KLHL5: variants seen among roughly 807,000 people sequenced by gnomAD.
KLHL5 encodes kelch-like protein 5.
In KLHL5, 48 loss-of-function variants were observed where a neutral mutation model predicts 77.7. The observed-to-expected ratio is 0.62, with a 90% CI of 0.49 to 0.79. The LOEUF is 0.79. KLHL5 is among the 30% of genes least tolerant of loss of function. The pLI is 0.00. For missense variants in KLHL5, 723 were observed against 859.7 expected, an observed-to-expected ratio of 0.84 and a Z score of 1.99; for synonymous variants, 260 against 297.0, an observed-to-expected ratio of 0.88 and a Z score of 1.28.
Position 39,096,850 on chromosome 4 carries a change from T to G in KLHL5, c.1272T>G (p.Phe424Leu). The change falls in exon 6 of 11, where the codon TTT (phenylalanine) becomes TTG (leucine). Residue 424 changes from phenylalanine to leucine, a missense_variant. Coordinates refer to ENST00000504108, the MANE Select transcript of KLHL5 (RefSeq NM_015990.5). ...GGAAGTCAACTGTTGGTACATTATT[T>G]GCAGTTGGGGGAATGGATTCAACAA... ...KPRKSTVGTL[F>L]AVGGMDSTKG... The G allele has an allele frequency of 6.2e-7, 1 of 1,613,748 alleles. No individual in the cohort carries two copies. Among genetic ancestry groups the G allele is most frequent in the Non-Finnish European group, 8.5e-7 (1 of 1,179,738 alleles).
chr4:39,100,038 C>T (rs975808803), intron 6 of KLHL5, among the ~76,000 whole-genome samples: 1 of 152,186 alleles, frequency 6.6e-6, no homozygotes, highest in Admixed American at 6.6e-5. Flanking sequence ...ATAATACCCT[C>T]ACTTTGATTT....
intron 1 of KLHL5, among the ~76,000 whole-genome samples, chr4:39,049,924 T>G (rs2566111): frequency 6.6e-6 from 1 of 151,266 alleles, no homozygotes; most frequent in African/African-American, 2.4e-5. Flanking sequence ...TTACAAAAAA[T>G]ATTAGCTGGG....
chr4:39,105,149 A>AGT (rs1452001691), intron 7 of KLHL5, among the ~76,000 whole-genome samples: 2 of 110,024 alleles, frequency 1.8e-5, no homozygotes, highest in African/African-American at 6.0e-5. Context: ...AGTTCTGCTA[A>AGT]ATTTTTTTTT....
chr4:39,095,522 A>G (rs573839109), intron 5 of KLHL5, among the ~76,000 whole-genome samples: 4 of 152,014 alleles, frequency 2.6e-5, no homozygotes, highest in Non-Finnish European at 5.9e-5. Context: ...AATCTATCCT[A>G]TAAAGGTAAA....
rs1723444370 is a variant in KLHL5, at chr4:39,124,943, G to C, written c.*3877G>C. Among the ~76,000 whole-genome samples the C allele has an allele frequency of 6.6e-6, 1 of 151,564 alleles. No homozygotes were observed. Among genetic ancestry groups the C allele is most frequent in the Admixed American group, 6.6e-5 (1 of 15,148 alleles). On this transcript the variant is annotated 3_prime_UTR_variant, in exon 11 of 11. Coordinates refer to ENST00000504108, the MANE Select transcript of KLHL5 (RefSeq NM_015990.5). ...ATATCTGGTAAGGAACTAATACCTA[G>C]AATATATAAGGAACTCCGATGCTCG...
intron 10 of KLHL5, among the ~76,000 whole-genome samples, chr4:39,118,817 T>C (rs1410830002): frequency 4.0e-5 from 6 of 151,432 alleles, no homozygotes; most frequent in Non-Finnish European, 8.8e-5. Flanking sequence ...CTCCAAGGCT[T>C]GGGAAAAGAT....
the KLHL5 span, among the ~76,000 whole-genome samples, chr4:39,132,775 A>C: frequency 2.0e-5 from 3 of 152,308 alleles, no homozygotes; most frequent in Middle Eastern, 3.4e-3. Context: ...ATTTTAGTAC[A>C]TTTCTCATTC....
chr4:39,078,296 G>T (rs895170690), intron 2 of KLHL5, among the ~76,000 whole-genome samples: 3 of 152,012 alleles, frequency 2.0e-5, no homozygotes, highest in African/African-American at 4.8e-5. Flanking sequence ...TGAAGCAGGA[G>T]AATTGCTTGA....
intron 4 of KLHL5, 151 bp from the exon 5 acceptor site, chr4:39,086,364 T>C (rs1482025804): frequency 9.5e-6 from 6 of 632,432 alleles, no homozygotes; most frequent in Admixed American, 8.4e-5. Context: ...TTCTCTGCTG[T>C]GTTTCTTTCC....
At position 39,076,096 on chromosome 4, in the gene KLHL5, A is replaced by G. The variant is rs541446219; in HGVS notation, c.515A>G (p.Gln172Arg). 65 of 1,607,170 alleles carry G rather than the reference A, an allele frequency of 4.0e-5. 1 individual carries two copies. The South Asian group carries it at 6.4e-4, about 16-fold the overall frequency. ...KKMENYLRHK[Q>R]LCDVILVAGD... ...ATGGAAAACTATTTGAGACATAAAC[A>G]GTTGTGTGATGTAATTTTAGTCGCT... The change falls in exon 2 of 11, where the codon CAG becomes CGG. Residue 172 changes from glutamine to arginine, a missense_variant. This residue lies in a region of KLHL5 where 221 missense variants were observed against 222.1 expected (regional missense o/e 1.00). Transcript: ENST00000504108.
chr4:39,137,632 A>G, the KLHL5 span, among the ~76,000 whole-genome samples: 1 of 152,120 alleles, frequency 6.6e-6, no homozygotes, highest in Non-Finnish European at 1.5e-5. Context: ...ACAAAAACAA[A>G]CAAACAAAGA....
chr4:39,055,916 C>T (rs1204063745), intron 1 of KLHL5, among the ~76,000 whole-genome samples: 1 of 152,090 alleles, frequency 6.6e-6, no homozygotes, highest in Non-Finnish European at 1.5e-5. Flanking sequence ...TTTTTTTCCT[C>T]TTGATCTTCC....
chr4:39,078,461 G>A (rs867225193), intron 2 of KLHL5, among the ~76,000 whole-genome samples: 28 of 151,584 alleles, frequency 1.8e-4, no homozygotes, highest in Admixed American at 7.9e-4. Context: ...TTGGAAGGCC[G>A]AGGTGGGTGG....
At chr4:39,094,189 G>C (rs895567705) in intron 5 of KLHL5, among the ~76,000 whole-genome samples, 1 of 151,890 alleles carries the variant, frequency 6.6e-6, no homozygotes, top group Non-Finnish European at 1.5e-5. Flanking sequence ...AGTTTAATAA[G>C]GGAATTTGGT....
At chr4:39,093,961 G>A (rs933440351) in intron 5 of KLHL5, among the ~76,000 whole-genome samples, 1 of 151,402 alleles carries the variant, frequency 6.6e-6, no homozygotes, top group African/African-American at 2.4e-5. Context: ...AATAAAAATA[G>A]ATGACTAAAT....
At chr4:39,131,034 G>A (rs905945349), downstream of KLHL5, among the ~76,000 whole-genome samples, 57 of 62,554 alleles carry the variant, frequency 9.1e-4, 2 homozygotes, top group South Asian at 0.025. Flanking sequence ...TTTTTTTTTT[G>A]TAGAGATAGC....
chr4:39,136,351 G>A, the KLHL5 span, among the ~76,000 whole-genome samples: 3 of 152,032 alleles, frequency 2.0e-5, no homozygotes, highest in Admixed American at 6.5e-5. Context: ...GTAGAGACGC[G>A]GTTTCACCAT....
chr4:39,141,736 G>A, the KLHL5 span, among the ~76,000 whole-genome samples: 7 of 151,868 alleles, frequency 4.6e-5, no homozygotes, highest in East Asian at 3.9e-4. Flanking sequence ...CCAGGAGTTC[G>A]AGACCAGCCT....
intron 1 of KLHL5, among the ~76,000 whole-genome samples, chr4:39,053,070 G>A (rs1025579435): frequency 1.3e-5 from 2 of 152,194 alleles, no homozygotes; most frequent in African/African-American, 4.8e-5. Context: ...AAGCTAGGCA[G>A]TTTCTTTAAT....
Sources: gnomAD v4.1 joint callset for allele counts (sites outside exome capture counted in the v4.1 genomes callset) on GRCh38, gnomAD v4.1.1 for gene constraint, gnomAD v4.1.1 regional missense constraint, MANE v1.5 for transcripts, NCBI Gene and HGNC (gene_info 2026-07-23, HGNC 2026-07-21) for gene names.